The following COL5A1 variants were observed in gnomAD, a reference collection of about 807,000 sequenced individuals.
COL5A1 encodes the protein collagen alpha-1(V) chain.
Under a neutral mutation model 263.7 loss-of-function variants are expected in COL5A1, and 16 were observed. That is an observed-to-expected ratio of 0.06 (90% CI 0.04 to 0.09). The LOEUF is 0.09. COL5A1 is among the 10% of genes least tolerant of loss of function. The probability of loss-of-function intolerance (pLI) is 1.00; values close to 1 mark genes in which losing one functional copy is unlikely to be tolerated. For missense variants in COL5A1, 2,036 were observed against 2,540.5 expected (o/e 0.80, Z 4.27); for synonymous variants, 1,012 against 1,004.5 (o/e 1.01, Z -0.14).
intron 4 of COL5A1, among the ~76,000 whole-genome samples, chr9:134,718,891 T>G (rs74422754): frequency 2.6e-5 from 4 of 152,078 alleles, no homozygotes; most frequent in African/African-American, 9.7e-5. Context: ...GCTGCAAGAA[T>G]GGGAGTAGGG....
intron 10 of COL5A1, 52 bp from the exon 11 acceptor site, chr9:134,738,694 C>A: frequency 6.5e-7 from 1 of 1,539,128 alleles, no homozygotes; most frequent in Non-Finnish European, 9.0e-7. Context: ...GAACTTGGAC[C>A]TTGCCCTGCG....
chr9:134,819,633 G>C (rs892571027), intron 57 of COL5A1, among the ~76,000 whole-genome samples: 1 of 152,184 alleles, frequency 6.6e-6, no homozygotes, highest in Non-Finnish European at 1.5e-5. Flanking sequence ...GCTTGCCCTG[G>C]GTTCCTAGAA....
chr9:134,711,801 C>T (rs997620246), intron 4 of COL5A1, among the ~76,000 whole-genome samples: 3 of 152,068 alleles, frequency 2.0e-5, no homozygotes, highest in African/African-American at 7.2e-5. Context: ...TGATCCAAAT[C>T]CCCGCTCTTC....
At chr9:134,733,376 C>G (rs1287056781) in intron 9 of COL5A1, among the ~76,000 whole-genome samples, 2 of 152,190 alleles carry the variant, frequency 1.3e-5, no homozygotes, top group Non-Finnish European at 2.9e-5. Context: ...TTCACCCCTT[C>G]CTGGCCTATG....
Position 134,789,483 on chromosome 9 carries a change from G to C in COL5A1, c.2700+275G>C, listed in dbSNP as rs144225603. On this transcript the variant is annotated intron_variant, in intron 32 of 65. Transcript: ENST00000371817. The surrounding 1 kb of genome is among the most constrained non-coding windows in gnomAD (Gnocchi z 4.8). Reference sequence around the variant, plus strand: ...TCTAATTAGCACCACAATCCAGAAGGCTCTTTCAGGTCATTCTGAAAATCA... The same window carrying C: ...TCTAATTAGCACCACAATCCAGAAGCCTCTTTCAGGTCATTCTGAAAATCA... Among the ~76,000 whole-genome samples the C allele has an allele frequency of 2.6e-5, 4 of 152,122 alleles. No individual in the cohort carries two copies. Among genetic ancestry groups the C allele is most frequent in the South Asian group, 2.1e-4 (1 of 4,824 alleles).
At chr9:134,731,404 C>T in intron 7 of COL5A1, 92 bp from the exon 8 acceptor site, 3 of 1,316,846 alleles carry the variant, frequency 2.3e-6, no homozygotes, top group Non-Finnish European at 3.2e-6. Flanking sequence ...GCCCAGTTGA[C>T]CGGATAGCCA....
At position 134,752,726 on chromosome 9, in the gene COL5A1, T is replaced by A. The variant is rs1001919849; in HGVS notation, c.1719+81T>A. ...TGTGTCGTTGGCGGACAGTGGCAGG[T>A]GGCCCTGGGGTCCTGTGGACACAGA... On this transcript the variant is annotated intron_variant, in intron 14 of 65. Coordinates refer to ENST00000371817, the MANE Select transcript of COL5A1 (RefSeq NM_000093.5). 15 of 1,164,526 alleles carry A rather than the reference T, an allele frequency of 1.3e-5. No individual in the cohort carries two copies. The Admixed American group carries it at 2.7e-4, about 21-fold the overall frequency. The allele number at this position is 1,164,526 out of a possible 1,614,324, so 72.1% of individuals were successfully genotyped here.
intron 1 of COL5A1, 78 bp from the exon 2 acceptor site, chr9:134,690,834 T>A: frequency 1.9e-6 from 3 of 1,565,052 alleles, no homozygotes; most frequent in Non-Finnish European, 1.8e-6. Context: ...GGGTGCTTCC[T>A]GTCATCCCAG....
chr9:134,711,599 C>T (rs1834044449), intron 4 of COL5A1, among the ~76,000 whole-genome samples: 1 of 152,056 alleles, frequency 6.6e-6, no homozygotes, highest in African/African-American at 2.4e-5. Context: ...GAGGTAAAGC[C>T]AGAGAGGTAA....
At chr9:134,685,330 A>T (rs1373787937) in intron 1 of COL5A1, among the ~76,000 whole-genome samples, 1 of 127,336 alleles carries the variant, frequency 7.9e-6, no homozygotes, top group African/African-American at 2.9e-5. Context: ...TCATCCATCC[A>T]TCTGTCCATC....
chr9:134,732,657 C>T (rs969686197), intron 9 of COL5A1: 4 of 202,030 alleles, frequency 2.0e-5, no homozygotes, highest in South Asian at 9.9e-5. Flanking sequence ...AATAAAACAG[C>T]ACTGTGCTGA....
At chr9:134,829,879 C>T (rs1052147679) in intron 63 of COL5A1, 97 bp from the exon 64 acceptor site, 17 of 1,373,230 alleles carry the variant, frequency 1.2e-5, no homozygotes, top group African/African-American at 8.7e-5. Flanking sequence ...GATGCAGGCG[C>T]GGGGGCCGGG....
chr9:134,776,118 T>G (rs1837042964), intron 27 of COL5A1, among the ~76,000 whole-genome samples: 1 of 152,186 alleles, frequency 6.6e-6, no homozygotes, highest in African/African-American at 2.4e-5. Flanking sequence ...AATGAGGACC[T>G]TCCAAGTTCA....
chr9:134,818,933 G>T lies in COL5A1; in HGVS notation c.4392+32G>T, dbSNP rs986385931. 5 of 1,613,110 alleles carry T rather than the reference G, an allele frequency of 3.1e-6. No homozygotes were observed. Among genetic ancestry groups the T allele is most frequent in the Non-Finnish European group, 4.2e-6 (5 of 1,179,770 alleles). ...CACATTCCTCATGGTGAGCATAGCG[G>T]GTGGGATGACTTCGCCACCCAAAGC... On this transcript the variant is annotated intron_variant, in intron 56 of 65. Coordinates refer to ENST00000371817, the MANE Select transcript of COL5A1 (RefSeq NM_000093.5). The surrounding 1 kb of genome is among the most constrained non-coding windows in gnomAD (Gnocchi z 6.0).
chr9:134,698,370 G>T (rs939762809), intron 2 of COL5A1, among the ~76,000 whole-genome samples: 2 of 152,286 alleles, frequency 1.3e-5, no homozygotes, highest in African/African-American at 4.8e-5. Flanking sequence ...CTTAGTGAGA[G>T]ATTCGTGACT....
At chr9:134,793,179 G>A (rs900480456) in intron 32 of COL5A1, among the ~76,000 whole-genome samples, 1 of 151,684 alleles carries the variant, frequency 6.6e-6, no homozygotes, top group African/African-American at 2.4e-5. Flanking sequence ...TTCCCGGGAA[G>A]GGGGAAAGAC....
At chr9:134,797,327 T>C (rs1837949106) in intron 36 of COL5A1, among the ~76,000 whole-genome samples, 1 of 152,166 alleles carries the variant, frequency 6.6e-6, no homozygotes, top group Non-Finnish European at 1.5e-5. Context: ...AGCTGGCACC[T>C]TCTGGAAGCT....
intron 4 of COL5A1, among the ~76,000 whole-genome samples, chr9:134,722,064 C>T (rs560486647): frequency 6.6e-6 from 1 of 152,356 alleles, no homozygotes; most frequent in East Asian, 1.9e-4. Flanking sequence ...AGACCCTTGC[C>T]CTTTGGCAGT....
At chr9:134,733,836 T>C (rs564717131) in intron 9 of COL5A1, among the ~76,000 whole-genome samples, 1 of 152,362 alleles carries the variant, frequency 6.6e-6, no homozygotes, top group African/African-American at 2.4e-5. Context: ...GACATCCGGT[T>C]GCATTTCCCC....
Sources: gnomAD v4.1 joint callset for allele counts (sites outside exome capture counted in the v4.1 genomes callset) on GRCh38, gnomAD v4.1.1 for gene constraint, Gnocchi (gnomAD v3.1) non-coding constraint, MANE v1.5 for transcripts, NCBI Gene and HGNC (gene_info 2026-07-23, HGNC 2026-07-21) for gene names.